HYDIN: variants seen among roughly 807,000 people sequenced by gnomAD.
The protein encoded by HYDIN is axonemal central pair apparatus protein HYDIN.
A neutral mutation model predicts 403.9 loss-of-function variants in HYDIN; 132 were observed. The observed-to-expected ratio is 0.33, with a 90% confidence interval of 0.28 to 0.38. The LOEUF is 0.38. Among genes scored for constraint, HYDIN ranks in the 10% least tolerant of loss-of-function variants. HYDIN has a pLI of 1.00. For synonymous variants in HYDIN, 1,202 were observed against 1,891.7 expected (o/e 0.64, Z 9.46); for missense variants, 2,827 against 5,009.5 (o/e 0.56, Z 13.15).
intron 1 of HYDIN, among the ~76,000 whole-genome samples, chr16:71,187,500 T>C (rs1301977537): frequency 1.3e-5 from 2 of 152,206 alleles, no homozygotes; most frequent in South Asian, 2.1e-4. Context: ...AGACTTCTGG[T>C]AGAACACTTG....
At chr16:71,116,168 A>C (rs1226590858) in intron 9 of HYDIN, among the ~76,000 whole-genome samples, 1 of 150,556 alleles carries the variant, frequency 6.6e-6, no homozygotes, top group Admixed American at 6.6e-5. Flanking sequence ...TCCGCCCCCA[A>C]TCCCACCCTC....
chr16:70,951,189 T>C (rs933233725), intron 41 of HYDIN, among the ~76,000 whole-genome samples: 1 of 151,220 alleles, frequency 6.6e-6, no homozygotes, highest in African/African-American at 2.4e-5. Flanking sequence ...GAACAAAGAC[T>C]GTGCCACTGC....
chr16:71,092,453 T>A (rs2083139889), intron 11 of HYDIN, among the ~76,000 whole-genome samples: 6 of 152,212 alleles, frequency 3.9e-5, no homozygotes, highest in Admixed American at 3.3e-4. Context: ...TTGTATTTGT[T>A]TGTTACAATA....
chr16:70,943,697 C>T, intron 42 of HYDIN, 115 bp downstream of exon 42: 1 of 1,409,884 alleles, frequency 7.1e-7, no homozygotes, highest in Non-Finnish European at 9.4e-7. Context: ...AAACGACTGC[C>T]TTCCGGGCTG....
Position 71,149,480 on chromosome 16 carries a change from C to T in HYDIN, c.841+3179G>A, listed in dbSNP as rs372577534. On this transcript the variant is annotated intron_variant, in intron 7 of 85. Coordinates refer to ENST00000393567, the MANE Select transcript of HYDIN (RefSeq NM_001270974.2). ...GTATATCTGCACACACACACATACA[C>T]GCACACACACACGATGTGTACAAGA... is the stretch of plus-strand genomic sequence containing the variant. Among the ~76,000 whole-genome samples, 12 of 151,852 alleles carry T rather than the reference C, an allele frequency of 7.9e-5. No homozygotes were observed. The East Asian group carries it at 1.7e-3, about 22-fold the overall frequency.
At chr16:71,098,259 T>C (rs1421793007) in intron 10 of HYDIN, among the ~76,000 whole-genome samples, 1 of 149,986 alleles carries the variant, frequency 6.7e-6, no homozygotes, top group East Asian at 2.0e-4. Flanking sequence ...TGGAGTGCAG[T>C]GGTGCGATCT....
chr16:71,077,361 TA>T (rs1157555801), intron 13 of HYDIN, among the ~76,000 whole-genome samples: 1 of 151,844 alleles, frequency 6.6e-6, no homozygotes, highest in Non-Finnish European at 1.5e-5. Context: ...GGTTATTTTA[TA>T]GTTTTATATT....
intron 84 of HYDIN, 24 bp from the exon 85 acceptor site, chr16:70,810,031 T>G (rs779276559): frequency 4.4e-6 from 7 of 1,609,128 alleles, no homozygotes; most frequent in Non-Finnish European, 5.1e-6. Flanking sequence ...CAGAGGATCC[T>G]GTCATGCTGA....
At chr16:70,870,465 G>A (rs1330895664) in intron 65 of HYDIN, among the ~76,000 whole-genome samples, 1 of 151,680 alleles carries the variant, frequency 6.6e-6, no homozygotes, top group Non-Finnish European at 1.5e-5. Flanking sequence ...GTAGAGCTCT[G>A]CATCCCAGCC....
Position 71,108,189 on chromosome 16 carries a change from G to C in HYDIN, c.1327+7507C>G, listed in dbSNP as rs147809597. On this transcript the variant is annotated intron_variant, in intron 10 of 85. Transcript: ENST00000393567. ...AGTGGAGGGCGGAGGGTGAGAGGAG[G>C]AAGAGGATCAGGAAAAATAACTATT... Among the ~76,000 whole-genome samples the C allele has an allele frequency of 7.0e-3, 1,063 of 152,252 alleles. 7 individuals carry two copies. Among genetic ancestry groups the C allele is most frequent in the African/African-American group, 0.025 (1,018 of 41,526 alleles).
chr16:71,181,758 T>C lies in HYDIN; in HGVS notation c.262-2711A>G, dbSNP rs149361076. Among the ~76,000 whole-genome samples the C allele has an allele frequency of 1.7e-3, 266 of 152,296 alleles. 1 individual carries two copies. Among genetic ancestry groups the C allele is most frequent in the African/African-American group, 6.0e-3 (250 of 41,574 alleles). On this transcript the variant is annotated intron_variant, in intron 3 of 85. Transcript: ENST00000393567. ...TTCAATAAATATTGAGTTTCCAACA[T>C]GTGCCACGTTCTTTTTTGTATGCTG... is the stretch of plus-strand genomic sequence containing the variant.
At chr16:70,901,563 T>C (rs1490308821) in intron 52 of HYDIN, among the ~76,000 whole-genome samples, 1 of 148,518 alleles carries the variant, frequency 6.7e-6, no homozygotes, top group African/African-American at 2.5e-5. Context: ...ATGGCCATAA[T>C]ACTTAGCATA....
chr16:71,094,079 C>T (rs574724816), intron 10 of HYDIN, 144 bp from the exon 11 acceptor site: 40 of 622,664 alleles, frequency 6.4e-5, no homozygotes, highest in African/African-American at 5.0e-4. Flanking sequence ...ATTTAACTAA[C>T]GCTGAAGATT....
chr16:71,023,053 G>A (rs1245473151), intron 21 of HYDIN, among the ~76,000 whole-genome samples: 1 of 152,098 alleles, frequency 6.6e-6, no homozygotes, highest in Non-Finnish European at 1.5e-5. Context: ...AATATTCACT[G>A]AGTTTTCTCC....
intron 6 of HYDIN, among the ~76,000 whole-genome samples, chr16:71,153,187 A>G (rs2085609888): frequency 1.3e-5 from 2 of 152,176 alleles, no homozygotes; most frequent in Admixed American, 6.5e-5. Flanking sequence ...AAATATTGTC[A>G]TTTTCAAAAG....
chr16:71,203,961 A>T, intron 1 of HYDIN: 2 of 351,124 alleles, frequency 5.7e-6, no homozygotes, highest in South Asian at 2.2e-5. Context: ...GCTACTTGGG[A>T]GACTGAAGTG....
In HYDIN at chr16:71,067,329, C is replaced by A; in HGVS notation, c.2036G>T (p.Gly679Val). The A allele has an allele frequency of 6.2e-7, 1 of 1,613,270 alleles. No homozygotes were observed. The highest frequency in any genetic ancestry group is 8.5e-7 in the Non-Finnish European group (1 of 1,179,600). ...GAGCGCCAGCACCTCTTCTCCGATG[C>A]CCTCCACGTCCACCACGAGTGCCAG... The part of the protein sequence containing the change: ...YELALVVDVE[G>V]IGEEVLALLI... Residue 679 changes from glycine to valine, a missense_variant, in exon 15 of 86, where the codon GGC becomes GTC. Transcript: ENST00000393567.
chr16:71,202,506 T>C (rs2088071869), intron 1 of HYDIN, among the ~76,000 whole-genome samples: 1 of 152,118 alleles, frequency 6.6e-6, no homozygotes, highest in Non-Finnish European at 1.5e-5. Context: ...ATAAATAAGC[T>C]GCAGTCTACC....
At chr16:70,909,460 G>A (rs971600367) in intron 47 of HYDIN, among the ~76,000 whole-genome samples, 4 of 150,710 alleles carry the variant, frequency 2.7e-5, no homozygotes, top group African/African-American at 9.8e-5. Context: ...TGAAGGCCTG[G>A]TACAGTAATA....
Sources: allele counts gnomAD v4.1 joint callset (sites outside exome capture counted in the v4.1 genomes callset), GRCh38; gene constraint gnomAD v4.1.1; transcripts MANE v1.5; gene names NCBI Gene and HGNC (gene_info 2026-07-23, HGNC 2026-07-21).